The following AFF2 variants were observed in gnomAD, a reference collection of about 807,000 sequenced individuals.
AFF2 encodes AF4/FMR2 family member 2.
A neutral mutation model predicts 76.9 loss-of-function variants in AFF2; 14 were observed. The observed-to-expected ratio is 0.18, with a 90% CI of 0.12 to 0.28. AFF2 has a LOEUF of 0.28. Ranked by LOEUF, AFF2 falls within the 10% of genes least tolerant of loss-of-function variation. The pLI is 1.00. For missense variants in AFF2, 868 were observed against 1,001.1 expected, an observed-to-expected ratio of 0.87 and a Z score of 1.79; for synonymous variants, 398 against 366.7, an observed-to-expected ratio of 1.09 and a Z score of -0.98.
intron 4 of AFF2, among the ~76,000 whole-genome samples, chrX:148,831,950 T>C (rs782556467): frequency 8.9e-6 from 1 of 112,266 alleles, no homozygotes; most frequent in South Asian, 3.7e-4. Flanking sequence ...TTTTTGTAAA[T>C]GCATAAGGAC....
chrX:148,574,940 T>A (rs1388832537), intron 1 of AFF2, among the ~76,000 whole-genome samples: 1 of 74,689 alleles, frequency 1.3e-5, no homozygotes, highest in Non-Finnish European at 2.4e-5. Flanking sequence ...TACATAGTGC[T>A]GGGGTGTGTG....
At chrX:148,964,198 G>A (rs1426728965) in intron 13 of AFF2, among the ~76,000 whole-genome samples, 2 of 112,056 alleles carry the variant, frequency 1.8e-5, no homozygotes, top group African/African-American at 6.5e-5. Context: ...TGGCTCCAGT[G>A]CTCAAAGAAC....
chrX:148,538,867 G>A (rs183558610), intron 1 of AFF2, among the ~76,000 whole-genome samples: 3 of 111,462 alleles, frequency 2.7e-5, no homozygotes, highest in South Asian at 3.8e-4. Context: ...TTGAAGCCCC[G>A]TGACTTTTAT....
chrX:148,769,949 T>C (rs1465040966), intron 3 of AFF2, among the ~76,000 whole-genome samples: 2 of 111,454 alleles, frequency 1.8e-5, no homozygotes, highest in African/African-American at 3.3e-5. Flanking sequence ...AGGTATGCCG[T>C]CTTTAGAAGT....
At chrX:148,581,076 C>CACATATGTGTATATGTATATGTACACAT (rs2053360035) in intron 1 of AFF2, among the ~76,000 whole-genome samples, 1 of 40,433 alleles carries the variant, frequency 2.5e-5, no homozygotes, top group African/African-American at 7.2e-5. Context: ...TATATACACA[C>CACATATGTGTATATGTATATGTACACAT]ATATATACAT....
At chrX:148,520,475 G>A (rs1026398032) in intron 1 of AFF2, among the ~76,000 whole-genome samples, 4 of 111,704 alleles carry the variant, frequency 3.6e-5, no homozygotes, top group South Asian at 7.5e-4. Flanking sequence ...GTAGGCACCC[G>A]GCTCCCACGT....
intron 1 of AFF2, among the ~76,000 whole-genome samples, chrX:148,587,048 T>G (rs1348289408): frequency 9.0e-6 from 1 of 111,673 alleles, no homozygotes; most frequent in Non-Finnish European, 1.9e-5. Flanking sequence ...ACCCAACAAT[T>G]TACGAGGTAA....
intron 3 of AFF2, among the ~76,000 whole-genome samples, chrX:148,760,380 T>G (rs1262057001): frequency 8.9e-6 from 1 of 112,339 alleles, no homozygotes; most frequent in African/African-American, 3.2e-5. Flanking sequence ...CCTGCCTGGT[T>G]ACAGAAAGCA....
At chrX:148,768,443 T>G (rs1227128391) in intron 3 of AFF2, among the ~76,000 whole-genome samples, 2 of 110,957 alleles carry the variant, frequency 1.8e-5, no homozygotes, top group African/African-American at 6.6e-5. Context: ...TTCCAGGCCT[T>G]CAGACGTGAA....
At chrX:148,824,969 T>C (rs1419627774) in intron 4 of AFF2, among the ~76,000 whole-genome samples, 1 of 110,844 alleles carries the variant, frequency 9.0e-6, no homozygotes, top group Non-Finnish European at 1.9e-5. Context: ...GCCCAGGAGT[T>C]GGAGGCTGCA....
rs193010493 is a variant in AFF2 at position 148,998,805 on chromosome X, G to C, written c.*7473G>C. The stretch of plus-strand genomic sequence containing the variant: ...TTTTCCATTATTTTTCGATGGGGGG[G>C]TTGTTATCATTGACTGAAGAAATAT... On this transcript the variant is annotated 3_prime_UTR_variant, in exon 21 of 21. Transcript: ENST00000370460. 4 of 108,120 alleles carry C rather than the reference G, an allele frequency of 3.7e-5. No individual in the cohort carries two copies. The highest frequency in any genetic ancestry group is 1.0e-4 in the African/African-American group (3 of 29,638). 8.9% of individuals were successfully genotyped at this position (108,120 alleles called of 1,213,427 possible). A position where few individuals can be genotyped will look rare whatever the true frequency, so the allele number is the denominator to read the frequency against.
chrX:148,655,978 C>T (rs1223099291), intron 2 of AFF2, among the ~76,000 whole-genome samples: 1 of 111,934 alleles, frequency 8.9e-6, no homozygotes, highest in African/African-American at 3.3e-5. Context: ...TACCCTGAAG[C>T]CTAAAACAAG....
At chrX:148,856,678 T>G (rs1355209543) in intron 7 of AFF2, among the ~76,000 whole-genome samples, 1 of 111,929 alleles carries the variant, frequency 8.9e-6, no homozygotes, top group African/African-American at 3.2e-5. Context: ...TCCTCTCACA[T>G]TTTGTAAAAT....
intron 3 of AFF2, among the ~76,000 whole-genome samples, 178 bp from the exon 4 acceptor site, chrX:148,809,698 G>A (rs1193233904): frequency 4.5e-5 from 5 of 111,694 alleles, no homozygotes; most frequent in Admixed American, 1.9e-4. Context: ...CATGCACTGC[G>A]ATCTTACCGC....
At chrX:148,654,837 C>A (rs902649606) in intron 2 of AFF2, among the ~76,000 whole-genome samples, 1 of 108,649 alleles carries the variant, frequency 9.2e-6, no homozygotes, top group East Asian at 3.0e-4. Flanking sequence ...CTTTCTCAAG[C>A]TGAAGAAGGA....
chrX:148,675,447 A>G (rs2054472973), intron 3 of AFF2, among the ~76,000 whole-genome samples: 1 of 111,246 alleles, frequency 9.0e-6, no homozygotes, highest in Non-Finnish European at 1.9e-5. Flanking sequence ...TTTCATGAAG[A>G]AGTTTGGTGT....
At chrX:148,731,648 G>A (rs1243124693) in intron 3 of AFF2, among the ~76,000 whole-genome samples, 3 of 108,663 alleles carry the variant, frequency 2.8e-5, no homozygotes, top group African/African-American at 1.0e-4. Flanking sequence ...CCTACAACAT[G>A]GGAGAAAATT....
intron 1 of AFF2, among the ~76,000 whole-genome samples, chrX:148,639,847 G>A (rs908141942): frequency 3.6e-5 from 4 of 111,731 alleles, no homozygotes; most frequent in Admixed American, 9.5e-5. Flanking sequence ...TTGGTGTGCC[G>A]AGAATGTTTT....
chrX:148,933,734 A>G lies in AFF2; in HGVS notation c.1398-19846A>G, dbSNP rs2071740860. Among the ~76,000 whole-genome samples, 3 of 112,213 alleles carry G rather than the reference A, an allele frequency of 2.7e-5. No homozygotes were observed. The South Asian group carries it at 1.1e-3, about 42-fold the overall frequency. ...TGCTATTAGCTGAGTCATTTACTAT[A>G]ATTATTATTTACAGGTAGCATGATA... On this transcript the variant is annotated intron_variant, in intron 9 of 20. Transcript: ENST00000370460.
Sources: allele counts gnomAD v4.1 joint callset (sites outside exome capture counted in the v4.1 genomes callset), GRCh38; gene constraint gnomAD v4.1.1; transcripts MANE v1.5; gene names NCBI Gene and HGNC (gene_info 2026-07-23, HGNC 2026-07-21).